Variants in IGF2R observed in about 807,000 individuals in gnomAD.
IGF2R encodes cation-independent mannose-6-phosphate receptor.
In IGF2R, 91 loss-of-function variants were observed where a neutral mutation model predicts 270.6. The ratio of observed to expected loss-of-function variants is 0.34; its 90% CI spans 0.28 to 0.40. IGF2R has a LOEUF of 0.40. IGF2R is among the 10% of genes least tolerant of loss of function. The pLI, the probability that IGF2R is intolerant of heterozygous loss-of-function variation, is 1.00. For synonymous variants in IGF2R, 1,316 were observed against 1,258.9 expected (o/e 1.05, Z -0.96); for missense variants, 2,805 against 3,188.3 (o/e 0.88, Z 2.90).
intron 9 of IGF2R, 29 bp from the exon 10 acceptor site, chr6:160,034,390 C>T: frequency 7.0e-7 from 1 of 1,426,142 alleles, no homozygotes; most frequent in Non-Finnish European, 9.9e-7. Flanking sequence ...CTCCCAAACA[C>T]ATTTGTCTGT....
rs143752339 is a variant in IGF2R, at chr6:160,109,194, T to C, written c.*4110T>C. On this transcript the variant is annotated 3_prime_UTR_variant, in exon 48 of 48. Transcript: ENST00000356956. ...GTTGTCACACCTGGGAGAGTGAAAATGAGGGGCTCACAACCCAGGTGAGGT... is the reference window on the plus strand; with the variant it reads ...GTTGTCACACCTGGGAGAGTGAAAACGAGGGGCTCACAACCCAGGTGAGGT... 3 of 151,996 alleles carry C rather than the reference T, an allele frequency of 2.0e-5. No individual in the cohort carries two copies. In the South Asian group the frequency reaches 6.2e-4, roughly 32 times the overall value. 9.4% of individuals were successfully genotyped at this position (151,996 alleles called of 1,614,324 possible).
intron 29 of IGF2R, among the ~76,000 whole-genome samples, chr6:160,065,378 A>G (rs901885774): frequency 6.6e-6 from 1 of 152,092 alleles, no homozygotes; most frequent in Non-Finnish European, 1.5e-5. Context: ...ACCCAGTATG[A>G]GCCACTTGAT....
intron 1 of IGF2R, among the ~76,000 whole-genome samples, chr6:159,980,185 AAGAAAG>A (rs781220521): frequency 2.9e-4 from 7 of 24,188 alleles, no homozygotes; most frequent in Non-Finnish European, 2.4e-4. Flanking sequence ...CGTCTCAAAA[AAGAAAG>A]AAAGAAAGAA....
chr6:160,089,789 C>T (rs547979091), intron 43 of IGF2R, 127 bp from the exon 44 acceptor site: 19 of 578,220 alleles, frequency 3.3e-5, no homozygotes, highest in African/African-American at 2.1e-4. Context: ...CTAGCGTGTC[C>T]GTGCTTCCTT....
At chr6:159,976,720 T>C (rs933334368) in intron 1 of IGF2R, among the ~76,000 whole-genome samples, 1 of 152,252 alleles carries the variant, frequency 6.6e-6, no homozygotes, top group Non-Finnish European at 1.5e-5. Flanking sequence ...TTCAACTTCC[T>C]GGACCCACTA....
chr6:160,064,339 G>A, intron 27 of IGF2R, 62 bp from the exon 28 acceptor site: 3 of 1,603,150 alleles, frequency 1.9e-6, no homozygotes, highest in Non-Finnish European at 2.6e-6. Context: ...ACATGTCTTA[G>A]GCTAAGTTTG....
intron 1 of IGF2R, among the ~76,000 whole-genome samples, chr6:159,980,242 ACATG>A (rs1783777771): frequency 2.1e-5 from 3 of 145,078 alleles, no homozygotes; most frequent in Non-Finnish European, 3.0e-5. Flanking sequence ...AAAGAAAGGT[ACATG>A]GAAGATTCGA....
intron 1 of IGF2R, among the ~76,000 whole-genome samples, chr6:159,988,941 G>T (rs987252458): frequency 2.0e-5 from 3 of 152,124 alleles, no homozygotes; most frequent in Non-Finnish European, 4.4e-5. Flanking sequence ...CTTTATTGAT[G>T]ATTTTTCTCT....
chr6:160,098,015 CT>C (rs1434883333), intron 45 of IGF2R, among the ~76,000 whole-genome samples: 1 of 152,190 alleles, frequency 6.6e-6, no homozygotes, highest in Non-Finnish European at 1.5e-5. Context: ...AGGATTGAAA[CT>C]GGAAGTTCTT....
chr6:160,085,975 G>C (rs117303505), intron 41 of IGF2R, among the ~76,000 whole-genome samples: 3 of 152,248 alleles, frequency 2.0e-5, no homozygotes, highest in Non-Finnish European at 4.4e-5. Context: ...TGCCCCAGAA[G>C]GGGGAAGGAG....
chr6:160,045,794 C>T lies in IGF2R; in HGVS notation c.1815C>T (p.Cys605=), dbSNP rs1562355704. 1 of 1,613,948 alleles carries T rather than the reference C, an allele frequency of 6.2e-7. No homozygotes were observed. Among genetic ancestry groups the T allele is most frequent in the East Asian group, 2.2e-5 (1 of 44,862 alleles). Residue 605 remains cysteine (C), a synonymous_variant, in exon 14 of 48, where the codon TGC becomes TGT. Transcript: ENST00000356956. The part of the protein sequence containing the change: ...PVLRTSGEGG[C]FYEFEWHTAA... Reference sequence around the variant, plus strand: ...TGAGAACTTCTGGGGAAGGCGGTTGCTTTTATGAGTTTGAGTGGCACACAG... The same window carrying T: ...TGAGAACTTCTGGGGAAGGCGGTTGTTTTTATGAGTTTGAGTGGCACACAG...
intron 38 of IGF2R, 151 bp downstream of exon 38, chr6:160,079,938 C>G: frequency 1.0e-6 from 1 of 984,622 alleles, no homozygotes; most frequent in Non-Finnish European, 1.5e-6. Context: ...CTGTACACCC[C>G]CGGTGTGAAT....
chr6:160,016,800 G>A lies in IGF2R; in HGVS notation c.513+6015G>A, dbSNP rs377551452. ...TCATACAGTCTTTGACGCTGAAAGC[G>A]TCCAGAAGCAAAGCCAAATAAAACT... On this transcript the variant is annotated intron_variant, in intron 4 of 47. Transcript: ENST00000356956. 2.6e-4 allele frequency among the ~76,000 whole-genome samples: 40 copies of A among 152,354 alleles called. No homozygotes were observed. The South Asian group carries it at 5.8e-3, about 22-fold the overall frequency.
chr6:160,064,944 G>C (rs748776995), intron 29 of IGF2R, 43 bp downstream of exon 29: 1 of 1,346,094 alleles, frequency 7.4e-7, no homozygotes, highest in Admixed American at 1.7e-5. Context: ...AGACTAACTT[G>C]GTATGATTTT....
intron 29 of IGF2R, 66 bp from the exon 30 acceptor site, chr6:160,068,183 C>CA: frequency 1.9e-6 from 3 of 1,573,492 alleles, no homozygotes; most frequent in Non-Finnish European, 2.6e-6. Flanking sequence ...CGTTTCTAGA[C>CA]AGAGTGCCCA....
intron 2 of IGF2R, 128 bp from the exon 3 acceptor site, chr6:160,008,882 G>A: frequency 1.1e-6 from 1 of 939,122 alleles, no homozygotes; most frequent in Non-Finnish European, 1.6e-6. Context: ...TTCTGGGAAA[G>A]GACAGTTTTA....
intron 2 of IGF2R, chr6:160,005,375 C>T (rs1389844197): frequency 2.6e-5 from 4 of 152,250 alleles, no homozygotes; most frequent in Non-Finnish European, 4.4e-5. Flanking sequence ...AGCCCGCAGT[C>T]CCTGCCTGGC....
rs1379957471 is a variant in IGF2R, at chr6:160,047,906, A to G, written c.2344A>G (p.Ser782Gly). The G allele has an allele frequency of 4.4e-6, 7 of 1,595,278 alleles. No individual in the cohort carries two copies. Among genetic ancestry groups the G allele is most frequent in the Admixed American group, 1.7e-5 (1 of 59,994 alleles). The change falls in exon 17 of 48, where the codon AGT (serine) becomes GGT (glycine). Residue 782 changes from serine (S) to glycine (G), a missense_variant and splice_region_variant. Physicochemically the swap from Ser to Gly is moderately conservative, Grantham distance 56 (BLOSUM62 0). Around this residue, in one of 2 missense-constraint regions of IGF2R, gnomAD observed 954 missense variants for 981.1 expected, o/e 0.97. Transcript: ENST00000356956. ...CACGCTGGAGCAGTACGACCTCTCC[A>G]GGTGAGGCAGAGTCAGCTGCTCTGT... ...PSTLEQYDLS[S>G]LAKSEGGLGG...
chr6:160,044,553 C>G lies in IGF2R; in HGVS notation c.1661C>G (p.Ser554Cys), dbSNP rs1400305881. 1.2e-6 allele frequency: 2 copies of G among 1,606,152 alleles called. No homozygotes were observed. Among genetic ancestry groups the G allele is most frequent in the Non-Finnish European group, 8.5e-7 (1 of 1,174,496 alleles). The change falls in exon 13 of 48, where the codon TCT becomes TGT. Residue 554 changes from serine (S) to cysteine (C), a missense_variant. Coordinates refer to ENST00000356956, the MANE Select transcript of IGF2R (RefSeq NM_000876.4). ...GSKNLGKFIS[S>C]PMKEKGNIQL... ...AAAAATCTGGGAAAATTTATTTCCT[C>G]TCCCATGAAAGAGAAAGGAAACATT...
Sources: allele counts gnomAD v4.1 joint callset (sites outside exome capture counted in the v4.1 genomes callset), GRCh38; gene constraint gnomAD v4.1.1; regional missense constraint gnomAD v4.1.1; transcripts MANE v1.5; gene names NCBI Gene and HGNC (gene_info 2026-07-23, HGNC 2026-07-21).